POLR2K: variants seen among roughly 807,000 people sequenced by gnomAD.
The protein encoded by POLR2K is DNA-directed RNA polymerases I, II, and III subunit RPABC4.
A neutral mutation model predicts 10.1 loss-of-function variants in POLR2K; 9 were observed. The observed-to-expected ratio is 0.89, with a 90% CI of 0.54 to 1.56. The LOEUF (loss-of-function observed/expected upper bound fraction) is 1.56, where lower values mean the gene tolerates loss of function less well. Ranked by LOEUF, POLR2K falls within the 40% of genes most tolerant of loss-of-function variation. The pLI is 0.00. For synonymous variants in POLR2K, 19 were observed against 20.3 expected, an observed-to-expected ratio of 0.94 and a Z score of 0.17; for missense variants, 53 against 71.9, an observed-to-expected ratio of 0.74 and a Z score of 0.95.
intron 3 of POLR2K, chr8:100,152,289 G>T: frequency 3.1e-6 from 1 of 325,264 alleles, no homozygotes; most frequent in Non-Finnish European, 5.5e-6. Flanking sequence ...CACCTGTACA[G>T]CATGCTATTG....
chr8:100,151,964 T>C, intron 3 of POLR2K, 48 bp downstream of exon 3: 2 of 854,692 alleles, frequency 2.3e-6, no homozygotes, highest in Non-Finnish European at 4.0e-6. Context: ...AGGAAATGAA[T>C]AATGCTGGGG....
At position 100,153,366 on chromosome 8, in the gene POLR2K, T is replaced by G; in HGVS notation, c.*50T>G. ...TTCACTTATACTTGGATTTGCTCTCTTCCCATTTCTGATTGTTGTATAGCT... is the reference window on the plus strand; with the variant it reads ...TTCACTTATACTTGGATTTGCTCTCGTCCCATTTCTGATTGTTGTATAGCT... On this transcript the variant is annotated 3_prime_UTR_variant, in exon 4 of 4. Transcript: ENST00000353107. 3 of 1,522,090 alleles carry G rather than the reference T, an allele frequency of 2.0e-6. No homozygotes were observed. The highest frequency in any genetic ancestry group is 2.7e-6 in the Non-Finnish European group (3 of 1,098,676). 94.3% of individuals were successfully genotyped at this position (1,522,090 alleles called of 1,614,324 possible). A position where few individuals can be genotyped will look rare whatever the true frequency, so the allele number is the denominator to read the frequency against.
intron 3 of POLR2K, among the ~76,000 whole-genome samples, chr8:100,152,411 G>T (rs1814932193): frequency 6.6e-6 from 1 of 152,174 alleles, no homozygotes; most frequent in Non-Finnish European, 1.5e-5. Flanking sequence ...CTCCATCTTT[G>T]ACCAAAACGT....
At position 100,151,183 on chromosome 8, in the gene POLR2K, A is replaced by G. The variant is rs542803516; in HGVS notation, c.-9-164A>G. Reference sequence around the variant, plus strand: ...ATGTCCAGTTTGGGGTAAACGCTCAATACTTGTGTGTATGCGTTTCGTCCT... The same window carrying G: ...ATGTCCAGTTTGGGGTAAACGCTCAGTACTTGTGTGTATGCGTTTCGTCCT... On this transcript the variant is annotated intron_variant, in intron 1 of 3. Transcript: ENST00000353107. Among the ~76,000 whole-genome samples the G allele has an allele frequency of 1.2e-4, 18 of 152,348 alleles. 1 individual carries two copies. The South Asian group carries it at 1.7e-3, about 14-fold the overall frequency.
chr8:100,153,057 T>C (rs913339063), intron 3 of POLR2K, among the ~76,000 whole-genome samples: 10 of 152,208 alleles, frequency 6.6e-5, no homozygotes, highest in Non-Finnish European at 1.2e-4. Context: ...CGTGAGCCAC[T>C]GCGCCTGGCC....
chr8:100,152,253 G>T, intron 3 of POLR2K: 1 of 414,630 alleles, frequency 2.4e-6, no homozygotes, highest in Non-Finnish European at 4.2e-6. Flanking sequence ...AGGCTATATG[G>T]TATAGCTTAT....
chr8:100,151,636 C>G, intron 2 of POLR2K, 188 bp from the exon 3 acceptor site: 3 of 599,972 alleles, frequency 5.0e-6, no homozygotes, highest in Middle Eastern at 4.4e-4. Flanking sequence ...TTCATTCTCT[C>G]TCCTGGAAAT....
At chr8:100,152,929 G>A (rs1052998344) in intron 3 of POLR2K, among the ~76,000 whole-genome samples, 1 of 151,874 alleles carries the variant, frequency 6.6e-6, no homozygotes, top group Non-Finnish European at 1.5e-5. Context: ...CACCATGCCC[G>A]GCTAATTTTT....
chr8:100,152,691 G>A (rs779803922), intron 3 of POLR2K, among the ~76,000 whole-genome samples: 2 of 152,140 alleles, frequency 1.3e-5, no homozygotes, highest in Admixed American at 6.5e-5. Flanking sequence ...AGAGTAAATT[G>A]TTATGATACA....
At chr8:100,151,990 T>A (rs1156230179) in intron 3 of POLR2K, 74 bp downstream of exon 3, 2 of 781,866 alleles carry the variant, frequency 2.6e-6, no homozygotes, top group Non-Finnish European at 4.4e-6. Flanking sequence ...AAAGATTAAT[T>A]TCTGGTTAAA....
intron 2 of POLR2K, 78 bp from the exon 3 acceptor site, chr8:100,151,746 G>A: frequency 1.4e-6 from 1 of 701,678 alleles, no homozygotes; most frequent in Non-Finnish European, 2.5e-6. Context: ...ATTGCCTTAG[G>A]TAAATAATAC....
chr8:100,151,349 G>C lies in POLR2K; in HGVS notation c.-7G>C, dbSNP rs199612281. The C allele has an allele frequency of 7.4e-4, 1,189 of 1,603,992 alleles. 3 individuals carry two copies. Among genetic ancestry groups the C allele is most frequent in the South Asian group, 2.0e-3 (183 of 90,894 alleles). Reference sequence around the variant, plus strand: ...AGTATTTGAGTCTGTGATTTCAGGGGCTAACAATGGACACCCAGAAGGACG... The same window carrying C: ...AGTATTTGAGTCTGTGATTTCAGGGCCTAACAATGGACACCCAGAAGGACG... On this transcript the variant is annotated splice_region_variant and 5_prime_UTR_variant, in exon 2 of 4. Transcript: ENST00000353107.
At position 100,151,371 on chromosome 8, in the gene POLR2K, G is replaced by A. The variant is rs376837840; in HGVS notation, c.16G>A (p.Asp6Asn). The change falls in exon 2 of 4, where the codon GAC becomes AAC. Residue 6 changes from aspartate to asparagine, a missense_variant. Transcript: ENST00000353107. MDTQK[D>N]VQPPKQQPMI... ...GGGGCTAACAATGGACACCCAGAAG[G>A]ACGTTCAACCTCCAAAGCAGCAACC... is the stretch of plus-strand genomic sequence containing the variant. 54 of 1,610,434 alleles carry A rather than the reference G, an allele frequency of 3.4e-5. No homozygotes were observed. Among genetic ancestry groups the A allele is most frequent in the Middle Eastern group, 1.6e-4 (1 of 6,078 alleles).
At chr8:100,152,926 C>T (rs1386290447) in intron 3 of POLR2K, among the ~76,000 whole-genome samples, 1 of 152,034 alleles carries the variant, frequency 6.6e-6, no homozygotes, top group Non-Finnish European at 1.5e-5. Context: ...CGCCACCATG[C>T]CCGGCTAATT....
rs769965686 is a variant in POLR2K at position 100,152,013 on chromosome 8, T to C, written c.154+97T>C. ...ATTTCTGGTTAAAATGATAACTTTC[T>C]GGATTACAGTACTTAAAAAACAAAC... On this transcript the variant is annotated intron_variant, in intron 3 of 3. Transcript: ENST00000353107. 1.3e-5 allele frequency: 9 copies of C among 709,716 alleles called. 1 individual carries two copies. Among genetic ancestry groups the C allele is most frequent in the South Asian group, 9.6e-5 (6 of 62,208 alleles). 44.0% of individuals were successfully genotyped at this position (709,716 alleles called of 1,614,324 possible). A position where few individuals can be genotyped will look rare whatever the true frequency, so the allele number is the denominator to read the frequency against.
rs1362820394 is a variant in POLR2K, at chr8:100,151,220, C to T, written c.-9-127C>T. On this transcript the variant is annotated intron_variant, in intron 1 of 3. Transcript: ENST00000353107. ...ATGCGTTTCGTCCTTGAGACCTAAC[C>T]CATAGGATTTGGGGAAAGGAACAGA... 12 of 725,868 alleles carry T rather than the reference C, an allele frequency of 1.7e-5. No individual in the cohort carries two copies. In the East Asian group the frequency reaches 3.1e-4, roughly 18 times the overall value. The allele number at this position is 725,868 out of a possible 1,614,324, so 45.0% of individuals were successfully genotyped here.
chr8:100,151,815 T>A lies in POLR2K; in HGVS notation c.62-9T>A, dbSNP rs200060655. The A allele has an allele frequency of 3.6e-6, 5 of 1,380,470 alleles. No individual in the cohort carries two copies. Among genetic ancestry groups the A allele is most frequent in the East Asian group, 2.3e-5 (1 of 43,354 alleles). 85.5% of individuals were successfully genotyped at this position (1,380,470 alleles called of 1,614,324 possible). Reference sequence around the variant, plus strand: ...TAGGCATTGAGTAAATTTTTTTTTTTAATTCTAGAGTGTCACACAGAAAAT... The same window carrying A: ...TAGGCATTGAGTAAATTTTTTTTTTAAATTCTAGAGTGTCACACAGAAAAT... On this transcript the variant is annotated splice_polypyrimidine_tract_variant and intron_variant, in intron 2 of 3. Coordinates refer to ENST00000353107, the MANE Select transcript of POLR2K (RefSeq NM_005034.4).
rs556687152 is a variant in POLR2K, at chr8:100,151,324, A to T, written c.-9-23A>T. The T allele has an allele frequency of 5.0e-5, 75 of 1,509,216 alleles. No homozygotes were observed. In the South Asian group the frequency reaches 7.9e-4, roughly 16 times the overall value. 93.5% of individuals were successfully genotyped at this position (1,509,216 alleles called of 1,614,324 possible). ...TGTGAGAAGCCCTTTTGAGATATTC[A>T]GTATTTGAGTCTGTGATTTCAGGGG... is the stretch of plus-strand genomic sequence containing the variant. On this transcript the variant is annotated intron_variant, in intron 1 of 3. Coordinates refer to ENST00000353107, the MANE Select transcript of POLR2K (RefSeq NM_005034.4).
intron 2 of POLR2K, 125 bp downstream of exon 2, chr8:100,151,541 A>G (rs1331058620): frequency 1.4e-6 from 1 of 713,078 alleles, no homozygotes; most frequent in Non-Finnish European, 2.4e-6. Flanking sequence ...TTTAGCAACC[A>G]TAAAAAAAAT....
Sources: allele counts gnomAD v4.1 joint callset (sites outside exome capture counted in the v4.1 genomes callset), GRCh38; gene constraint gnomAD v4.1.1; transcripts MANE v1.5; gene names NCBI Gene and HGNC (gene_info 2026-07-23, HGNC 2026-07-21).